The following LRRC70 variants were observed in gnomAD, a reference collection of about 807,000 sequenced individuals.
LRRC70 encodes leucine-rich repeat-containing protein 70.
A neutral mutation model predicts 42.4 loss-of-function variants in LRRC70; 31 were observed. The ratio of observed to expected loss-of-function variants is 0.73; its 90% CI spans 0.55 to 0.99. The LOEUF is 0.99. LRRC70 is among the 50% of genes least tolerant of loss of function. The probability of loss-of-function intolerance (pLI) is 0.00; values close to 1 mark genes in which losing one functional copy is unlikely to be tolerated. For synonymous variants in LRRC70, 270 were observed against 262.9 expected (o/e 1.03, Z -0.26); for missense variants, 643 against 707.5 (o/e 0.91, Z 1.03).
At position 62,579,541 on chromosome 5, in the gene LRRC70, G is replaced by A. The variant is rs905867110; in HGVS notation, c.103G>A (p.Val35Ile). The part of the protein sequence containing the change: ...LHKEILGCSS[V>I]CQLCTGRQIN... ...CAAAGAAATACTTGGATGTTCGTCT[G>A]TTTGTCAGCTCTGCACTGGGAGACA... is the stretch of plus-strand genomic sequence containing the variant. Residue 35 changes from valine (V) to isoleucine (I), a missense_variant, in exon 2 of 2, where the codon GTT becomes ATT. Transcript: ENST00000334994. The A allele has an allele frequency of 1.9e-6, 3 of 1,550,982 alleles. No individual in the cohort carries two copies. The African/African-American group carries it at 4.1e-5, about 21-fold the overall frequency.
At position 62,579,920 on chromosome 5, in the gene LRRC70, T is replaced by G. The variant is rs1325059411; in HGVS notation, c.482T>G (p.Leu161Ter). 7.1e-6 allele frequency: 11 copies of G among 1,551,312 alleles called. No individual in the cohort carries two copies. Among genetic ancestry groups the G allele is most frequent in the South Asian group, 1.2e-5 (1 of 84,060 alleles). Residue 161 changes from leucine (L) to a stop codon, truncating the protein, a stop_gained, in exon 2 of 2, where the codon TTA becomes TGA. Coordinates refer to ENST00000334994, the MANE Select transcript of LRRC70 (RefSeq NM_181506.5). LOFTEE classifies it high-confidence loss of function. ...VFNDLVSVQY[L>*]NLQRNRLTVL... ...AATGATCTAGTTTCAGTTCAGTACTTAAATCTACAAAGGAATCGCCTCACT... is the reference window on the plus strand; with the variant it reads ...AATGATCTAGTTTCAGTTCAGTACTGAAATCTACAAAGGAATCGCCTCACT...
chr5:62,579,471 A>G lies in LRRC70; in HGVS notation c.33A>G (p.Leu11=), dbSNP rs943743717. 28 of 1,550,736 alleles carry G rather than the reference A, an allele frequency of 1.8e-5. No homozygotes were observed. Among genetic ancestry groups the G allele is most frequent in the African/African-American group, 2.7e-5 (2 of 73,000 alleles). MCGLQFSLPC[L]RLFLVVTCYL... The stretch of plus-strand genomic sequence containing the variant: ...GATTACAGTTTTCTCTGCCTTGCCT[A>G]CGACTGTTTCTGGTTGTTACCTGTT... The change falls in exon 2 of 2, where the codon CTA becomes CTG. Residue 11 remains leucine, a synonymous_variant. Coordinates refer to ENST00000334994, the MANE Select transcript of LRRC70 (RefSeq NM_181506.5).
chr5:62,579,673 G>T lies in LRRC70; in HGVS notation c.235G>T (p.Glu79Ter). 1.9e-6 allele frequency: 3 copies of T among 1,546,768 alleles called. No homozygotes were observed. Among genetic ancestry groups the T allele is most frequent in the South Asian group, 1.2e-5 (1 of 83,256 alleles). The change falls in exon 2 of 2, where the codon GAA becomes TAA. Residue 79 changes from glutamate to a stop codon, truncating the protein, a stop_gained. Transcript: ENST00000334994. LOFTEE classifies it high-confidence loss of function. ...GNNISYINESELTGLHSLVAL... is the reference protein window; with the variant it reads ...GNNISYINES ...TAATATATCTTATATAAATGAAAGT[G>T]AATTAACAGGACTTCATTCTCTTGT...
At position 62,579,589 on chromosome 5, in the gene LRRC70, C is replaced by T; in HGVS notation, c.151C>T (p.Leu51Phe). The T allele has an allele frequency of 6.4e-7, 1 of 1,551,086 alleles. No homozygotes were observed. Among genetic ancestry groups the T allele is most frequent in the Non-Finnish European group, 8.7e-7 (1 of 1,146,592 alleles). The change falls in exon 2 of 2, where the codon CTT becomes TTT. Residue 51 changes from leucine (L) to phenylalanine (F), a missense_variant. By Grantham distance (22) the Leu-to-Phe change is conservative (BLOSUM62 0). Coordinates refer to ENST00000334994, the MANE Select transcript of LRRC70 (RefSeq NM_181506.5). ...GRQINCRNLG[L>F]SSIPKNFPES... ...ACAAATTAACTGCCGTAACTTAGGC[C>T]TTTCGAGTATTCCTAAGAATTTTCC...
At position 62,579,937 on chromosome 5, in the gene LRRC70, C is replaced by A; in HGVS notation, c.499C>A (p.Arg167Ser). 6.4e-7 allele frequency: 1 copy of A among 1,551,186 alleles called. No individual in the cohort carries two copies. The highest frequency in any genetic ancestry group is 1.4e-5 in the African/African-American group (1 of 73,094). The change falls in exon 2 of 2, where the codon CGC (arginine) becomes AGC (serine). Residue 167 changes from arginine to serine, a missense_variant. Transcript: ENST00000334994. ...TCAGTACTTAAATCTACAAAGGAAT[C>A]GCCTCACTGTCCTTGGGAGTGGTAC... The part of the protein sequence containing the change: ...SVQYLNLQRN[R>S]LTVLGSGTFV...
chr5:62,580,261 A>G lies in LRRC70; in HGVS notation c.823A>G (p.Ile275Val). 2 of 1,543,706 alleles carry G rather than the reference A, an allele frequency of 1.3e-6. No homozygotes were observed. Among genetic ancestry groups the G allele is most frequent in the Non-Finnish European group, 8.8e-7 (1 of 1,139,942 alleles). ...RNVTRDGFSG[I>V]NNLKHLILSH... ...TGTTACTAGGGATGGGTTTAGTGGA[A>G]TTAATAATCTTAAACATTTGATCTT... is the stretch of plus-strand genomic sequence containing the variant. Residue 275 changes from isoleucine (I) to valine (V), a missense_variant, in exon 2 of 2, where the codon ATT (isoleucine) becomes GTT (valine). Coordinates refer to ENST00000334994, the MANE Select transcript of LRRC70 (RefSeq NM_181506.5).
Position 62,580,726 on chromosome 5 carries a change from C to T in LRRC70, c.1288C>T (p.Leu430=), listed in dbSNP as rs1310984188. ...SPHIHHKTTA[L]MMAWHKVTTN... is the part of the protein sequence containing the mutation. ...TCATATTCATCACAAGACTACTGCG[C>T]TAATGATGGCCTGGCATAAAGTAAC... Residue 430 remains leucine (L), a synonymous_variant, in exon 2 of 2, where the codon CTA becomes TTA. Coordinates refer to ENST00000334994, the MANE Select transcript of LRRC70 (RefSeq NM_181506.5). The T allele has an allele frequency of 1.9e-6, 3 of 1,551,430 alleles. No homozygotes were observed. Among genetic ancestry groups the T allele is most frequent in the Admixed American group, 3.9e-5 (2 of 50,980 alleles).
chr5:62,581,012 A>G lies in LRRC70; in HGVS notation c.1574A>G (p.Asn525Ser). 6.4e-7 allele frequency: 1 copy of G among 1,551,310 alleles called. No individual in the cohort carries two copies. The highest frequency in any genetic ancestry group is 8.7e-7 in the Non-Finnish European group (1 of 1,146,870). Residue 525 changes from asparagine to serine, a missense_variant, in exon 2 of 2, where the codon AAT becomes AGT. Physicochemically the swap from Asn to Ser is conservative, Grantham distance 46 (BLOSUM62 1). Coordinates refer to ENST00000334994, the MANE Select transcript of LRRC70 (RefSeq NM_181506.5). ...LICTQEVEKL[N>S]EAFDILLAFF... ...TGTACACAAGAAGTTGAGAAGTTGA[A>G]TGAGGCTTTTGACATTTTGCTAGCT...
Position 62,578,926 on chromosome 5 carries a change from C to T in LRRC70, c.-48C>T. The T allele has an allele frequency of 4.1e-6, 1 of 241,834 alleles. No homozygotes were observed. Among genetic ancestry groups the T allele is most frequent in the East Asian group, 1.2e-4 (1 of 8,584 alleles). The allele number at this position is 241,834 out of a possible 1,614,324, so 15.0% of individuals were successfully genotyped here. A position where few individuals can be genotyped will look rare whatever the true frequency, so the allele number is the denominator to read the frequency against. On this transcript the variant is annotated 5_prime_UTR_variant, in exon 1 of 2. Transcript: ENST00000334994. ...AGCTGAGTGTTAATAATACGAATTT[C>T]CTTTTCTTGGTAAGATTATTTACTT...
At chr5:62,578,973 A>G in intron 1 of LRRC70, 38 bp downstream of exon 1, 1 of 239,644 alleles carries the variant, frequency 4.2e-6, no homozygotes, top group South Asian at 4.7e-5. Flanking sequence ...TCTAGCTGAC[A>G]TGAAAAATAG....
In LRRC70 at chr5:62,581,380, T is replaced by C. The variant is rs1744554810; in HGVS notation, c.*73T>C. The stretch of plus-strand genomic sequence containing the variant: ...TTAAACTGAAACCTCCTTATATAAT[T>C]ATATACTTTAGTTGGAAATATAATG... On this transcript the variant is annotated 3_prime_UTR_variant, in exon 2 of 2. Coordinates refer to ENST00000334994, the MANE Select transcript of LRRC70 (RefSeq NM_181506.5). 8 of 1,109,566 alleles carry C rather than the reference T, an allele frequency of 7.2e-6. No individual in the cohort carries two copies. Among genetic ancestry groups the C allele is most frequent in the Non-Finnish European group, 5.0e-6 (4 of 804,606 alleles). The allele number at this position is 1,109,566 out of a possible 1,614,324, so 68.7% of individuals were successfully genotyped here. A position where few individuals can be genotyped will look rare whatever the true frequency, so the allele number is the denominator to read the frequency against.
Position 62,580,197 on chromosome 5 carries a change from T to G in LRRC70, c.759T>G (p.Asn253Lys). Residue 253 changes from asparagine to lysine, a missense_variant, in exon 2 of 2, where the codon AAT becomes AAG. Transcript: ENST00000334994. Reference sequence around the variant, plus strand: ...CCTTTGCATTTAAAGGACTTGCCAATCTGGAATACCTCCTCCTGAAAAATT... The same window carrying G: ...CCTTTGCATTTAAAGGACTTGCCAAGCTGGAATACCTCCTCCTGAAAAATT... ...IQPFAFKGLA[N>K]LEYLLLKNSR... 6.4e-7 allele frequency: 1 copy of G among 1,551,186 alleles called. No individual in the cohort carries two copies. The highest frequency in any genetic ancestry group is 2.4e-5 in the East Asian group (1 of 40,888).
Position 62,579,721 on chromosome 5 carries a change from A to C in LRRC70, c.283A>C (p.Asn95His), listed in dbSNP as rs750106580. The change falls in exon 2 of 2, where the codon AAC becomes CAC. Residue 95 changes from asparagine to histidine, a missense_variant. Asn to His is a moderately conservative substitution (Grantham distance 68). Transcript: ENST00000334994. ...SLVALYLDNS[N>H]ILYVYPKAFV... ...TGTAGCATTGTATTTGGATAATTCT[A>C]ACATTCTGTATGTATATCCAAAAGC... 1 of 1,548,448 alleles carries C rather than the reference A, an allele frequency of 6.5e-7. No homozygotes were observed. The highest frequency in any genetic ancestry group is 8.7e-7 in the Non-Finnish European group (1 of 1,145,482).
In LRRC70 at chr5:62,580,147, C is replaced by T. The variant is rs748549308; in HGVS notation, c.709C>T (p.His237Tyr). 7 of 1,551,074 alleles carry T rather than the reference C, an allele frequency of 4.5e-6. No homozygotes were observed. Among genetic ancestry groups the T allele is most frequent in the Non-Finnish European group, 6.1e-6 (7 of 1,146,544 alleles). Residue 237 changes from histidine to tyrosine, a missense_variant, in exon 2 of 2, where the codon CAT (histidine) becomes TAT (tyrosine). His to Tyr is a moderately conservative substitution (Grantham distance 83). Coordinates refer to ENST00000334994, the MANE Select transcript of LRRC70 (RefSeq NM_181506.5). ...LKSLRRLSLSHNPIEAIQPFA... is the reference protein window; with the variant it reads ...LKSLRRLSLSYNPIEAIQPFA... ...AAGTCTTAGAAGACTTTCTTTGTCT[C>T]ATAATCCTATTGAAGCAATACAGCC...
Position 62,579,825 on chromosome 5 carries a change from G to A in LRRC70, c.387G>A (p.Lys129=). The change falls in exon 2 of 2, where the codon AAG becomes AAA. Residue 129 remains lysine, a synonymous_variant. Transcript: ENST00000334994. ...AACGCTTAGATCCTGGAATATTTAA[G>A]GGACTTTTAAATCTTCGTAATTTAT... The part of the protein sequence containing the change: ...FIKRLDPGIF[K]GLLNLRNLYL... 1 of 1,546,396 alleles carries A rather than the reference G, an allele frequency of 6.5e-7. No individual in the cohort carries two copies. Among genetic ancestry groups the A allele is most frequent in the Non-Finnish European group, 8.7e-7 (1 of 1,143,376 alleles).
rs1240262790 is a variant in LRRC70, at chr5:62,581,018, C to A, written c.1580C>A (p.Ala527Asp). 6.4e-7 allele frequency: 1 copy of A among 1,551,088 alleles called. No homozygotes were observed. Among genetic ancestry groups the A allele is most frequent in the South Asian group, 1.2e-5 (1 of 83,970 alleles). Residue 527 changes from alanine to aspartate, a missense_variant, in exon 2 of 2, where the codon GCT (alanine) becomes GAT (aspartate). Physicochemically the swap from Ala to Asp is moderately radical, Grantham distance 126. Coordinates refer to ENST00000334994, the MANE Select transcript of LRRC70 (RefSeq NM_181506.5). ...CAAGAAGTTGAGAAGTTGAATGAGG[C>A]TTTTGACATTTTGCTAGCTTTTTTC... ...CTQEVEKLNE[A>D]FDILLAFFIL...
chr5:62,580,394 C>T lies in LRRC70; in HGVS notation c.956C>T (p.Thr319Ile). 3 of 1,550,252 alleles carry T rather than the reference C, an allele frequency of 1.9e-6. No homozygotes were observed. The highest frequency in any genetic ancestry group is 2.6e-6 in the Non-Finnish European group (3 of 1,145,764). The change falls in exon 2 of 2, where the codon ACA (threonine) becomes ATA (isoleucine). Residue 319 changes from threonine to isoleucine, a missense_variant. By Grantham distance (89) the Thr-to-Ile change is moderately conservative. Transcript: ENST00000334994. ...RNRIISIDND[T>I]FENMGASLKI... ...AGAATAATTAGCATTGATAATGATA[C>T]ATTTGAAAATATGGGAGCATCTTTG...
Position 62,580,084 on chromosome 5 carries a change from T to C in LRRC70, c.646T>C (p.Leu216=). The C allele has an allele frequency of 6.4e-7, 1 of 1,551,142 alleles. No individual in the cohort carries two copies. Among genetic ancestry groups the C allele is most frequent in the South Asian group, 1.2e-5 (1 of 84,048 alleles). The change falls in exon 2 of 2, where the codon TTA becomes CTA. Residue 216 remains leucine (L), a synonymous_variant. Coordinates refer to ENST00000334994, the MANE Select transcript of LRRC70 (RefSeq NM_181506.5). ...LACLYLGSNN[L]TKVPSNAFEV... ...TTGTTTGTATTTAGGAAGTAATAAT[T>C]TAACAAAAGTACCATCAAATGCCTT...
Position 62,580,294 on chromosome 5 carries a change from AATG to A in LRRC70, c.859_861del (p.Asp287del), listed in dbSNP as rs1163675306. On this transcript the variant is annotated inframe_deletion, in exon 2 of 2. Coordinates refer to ENST00000334994, the MANE Select transcript of LRRC70 (RefSeq NM_181506.5). ...TCTTAAACATTTGATCTTAAGTCAT[AATG>A]ATTTAGAGAATTTAAATTCTGACAC... 3.3e-6 allele frequency: 5 copies of A among 1,538,136 alleles called. No homozygotes were observed. The African/African-American group carries it at 5.5e-5, about 17-fold the overall frequency.
Sources: allele counts gnomAD v4.1 joint callset, GRCh38; gene constraint gnomAD v4.1.1; transcripts MANE v1.5; gene names NCBI Gene and HGNC (gene_info 2026-07-23, HGNC 2026-07-21).